Variants in TUSC3 observed in about 807,000 individuals in gnomAD.
TUSC3 encodes dolichyl-diphosphooligosaccharide--protein glycosyltransferase subunit TUSC3.
TUSC3 carries 45 observed loss-of-function variants against 44.8 expected under a neutral mutation model. That is an observed-to-expected ratio of 1.00 (90% CI 0.79 to 1.29). The LOEUF (loss-of-function observed/expected upper bound fraction) is 1.29, where lower values mean the gene tolerates loss of function less well. TUSC3 is among the 50% of genes most tolerant of loss of function. TUSC3 has a pLI of 0.00. For synonymous variants in TUSC3, 212 were observed against 152.9 expected (o/e 1.39, Z -2.85); for missense variants, 519 against 437.9 (o/e 1.19, Z -1.65).
At chr8:15,648,692 C>G (rs1343738703) in intron 2 of TUSC3, among the ~76,000 whole-genome samples, 1 of 124,852 alleles carries the variant, frequency 8.0e-6, no homozygotes, top group African/African-American at 3.0e-5. Context: ...CGCCGTTGCA[C>G]TCCAGCCTGG....
At chr8:15,671,881 T>C (rs984615355) in intron 5 of TUSC3, among the ~76,000 whole-genome samples, 3 of 152,008 alleles carry the variant, frequency 2.0e-5, no homozygotes, top group African/African-American at 7.2e-5. Flanking sequence ...TATTCAGGAT[T>C]TCTAGCTGAG....
rs530469983 is a variant in TUSC3, at chr8:15,429,353, T to G, written n.91+12048T>G. Among the ~76,000 whole-genome samples the G allele has an allele frequency of 7.6e-3, 1,135 of 150,264 alleles. 64 individuals are homozygous for G. Among genetic ancestry groups the G allele is most frequent in the African/African-American group, 0.027 (1,078 of 39,710 alleles). On this transcript the variant is annotated intron_variant and non_coding_transcript_variant, in intron 1 of 5. Coordinates refer to the TUSC3 transcript ENST00000503191. ...TATCTCTGTTTTGGTACCAGTACCA[T>G]GCTGTTTTGGTTACTGTAGCCTTGT... is the stretch of plus-strand genomic sequence containing the variant.
At chr8:15,754,330 G>GAAATAAATACATTGAAGTA (rs1205597998) in intron 9 of TUSC3, among the ~76,000 whole-genome samples, 2 of 151,294 alleles carry the variant, frequency 1.3e-5, no homozygotes, top group African/African-American at 4.9e-5. Context: ...ATCCAAGACA[G>GAAATAAATACATTGAAGTA]AAATAAATAC....
At chr8:15,747,879 C>T (rs1273907084) in intron 8 of TUSC3, among the ~76,000 whole-genome samples, 1 of 152,070 alleles carries the variant, frequency 6.6e-6, no homozygotes, top group Non-Finnish European at 1.5e-5. Context: ...CTATAACATG[C>T]TCTTACTGAG....
At chr8:15,588,947 G>C (rs1195195120) in intron 1 of TUSC3, among the ~76,000 whole-genome samples, 1 of 152,104 alleles carries the variant, frequency 6.6e-6, no homozygotes, top group Non-Finnish European at 1.5e-5. Context: ...ATGCTGTTTT[G>C]GTTATTGTAG....
At chr8:15,605,118 C>T (rs992162158) in intron 1 of TUSC3, among the ~76,000 whole-genome samples, 2 of 151,818 alleles carry the variant, frequency 1.3e-5, no homozygotes, top group Non-Finnish European at 2.9e-5. Flanking sequence ...TCCTCATTTT[C>T]TCAAATAGCA....
intron 8 of TUSC3, among the ~76,000 whole-genome samples, chr8:15,746,925 T>G (rs1735911719): frequency 6.6e-6 from 1 of 152,142 alleles, no homozygotes; most frequent in South Asian, 2.1e-4. Context: ...AAAATGTTTT[T>G]TTTATTTTAT....
At chr8:15,752,057 C>T (rs1053106217) in intron 9 of TUSC3, among the ~76,000 whole-genome samples, 1 of 152,014 alleles carries the variant, frequency 6.6e-6, no homozygotes, top group Non-Finnish European at 1.5e-5. Flanking sequence ...ATCCATGAAC[C>T]GGGGAATAAC....
intron 6 of TUSC3, among the ~76,000 whole-genome samples, chr8:15,694,965 C>T (rs187054876): frequency 7.9e-5 from 12 of 152,316 alleles, no homozygotes; most frequent in African/African-American, 2.6e-4. Flanking sequence ...ATTGGGTGTG[C>T]TGGTGTGGTG....
chr8:15,686,952 G>A (rs563868433), intron 6 of TUSC3, among the ~76,000 whole-genome samples: 60 of 152,052 alleles, frequency 3.9e-4, no homozygotes, highest in African/African-American at 1.4e-3. Flanking sequence ...CCTGTAGTCC[G>A]GTCCCAGCTA....
At chr8:15,498,251 TAAG>T (rs1308348686) in intron 2 of TUSC3, among the ~76,000 whole-genome samples, 1 of 152,190 alleles carries the variant, frequency 6.6e-6, no homozygotes, top group African/African-American at 2.4e-5. Flanking sequence ...ATAAAGATCA[TAAG>T]AACACAGATT....
chr8:15,598,409 A>C (rs369390436), intron 1 of TUSC3, among the ~76,000 whole-genome samples: 2 of 151,946 alleles, frequency 1.3e-5, no homozygotes, highest in African/African-American at 4.8e-5. Flanking sequence ...CATCATTATC[A>C]GTATTCCTAC....
intron 6 of TUSC3, among the ~76,000 whole-genome samples, chr8:15,719,516 C>CACCA (rs1554481164): frequency 1.2e-3 from 20 of 16,244 alleles, no homozygotes; most frequent in South Asian, 3.1e-3. Flanking sequence ...CACACACACA[C>CACCA]CACACACACA....
chr8:15,801,381 G>C, the TUSC3 span, among the ~76,000 whole-genome samples: 1 of 152,166 alleles, frequency 6.6e-6, no homozygotes, highest in Non-Finnish European at 1.5e-5. Flanking sequence ...TCAATGTGTG[G>C]GGTGGCTGAG....
intron 2 of TUSC3, among the ~76,000 whole-genome samples, chr8:15,639,830 A>G (rs1248306300): frequency 6.6e-6 from 1 of 151,604 alleles, no homozygotes; most frequent in African/African-American, 2.4e-5. Flanking sequence ...CAGTCAGTCA[A>G]TATGAGTAAA....
chr8:15,655,153 C>A (rs899922141), intron 3 of TUSC3, among the ~76,000 whole-genome samples: 12 of 152,064 alleles, frequency 7.9e-5, no homozygotes, highest in African/African-American at 2.9e-4. Flanking sequence ...AACTGTCTTG[C>A]TAAAATAATA....
chr8:15,696,683 G>C (rs1048244629), intron 6 of TUSC3, among the ~76,000 whole-genome samples: 1 of 152,270 alleles, frequency 6.6e-6, no homozygotes, highest in East Asian at 1.9e-4. Flanking sequence ...ACGTTGTTGG[G>C]TTCAGTTAGC....
intron 2 of TUSC3, among the ~76,000 whole-genome samples, chr8:15,505,319 T>C (rs562899015): frequency 6.6e-6 from 1 of 152,366 alleles, no homozygotes; most frequent in African/African-American, 2.4e-5. Flanking sequence ...CAGAATGCTG[T>C]TCTGATGGCC....
chr8:15,805,326 T>C, the TUSC3 span, among the ~76,000 whole-genome samples: 1 of 152,156 alleles, frequency 6.6e-6, no homozygotes, highest in Non-Finnish European at 1.5e-5. Flanking sequence ...TTGAATTTCT[T>C]TATCTTGCCT....
Sources: allele counts gnomAD v4.1 joint callset (sites outside exome capture counted in the v4.1 genomes callset), GRCh38; gene constraint gnomAD v4.1.1; transcripts MANE v1.5; gene names NCBI Gene and HGNC (gene_info 2026-07-23, HGNC 2026-07-21).